The following STK3 variants were observed in gnomAD, a reference collection of about 807,000 sequenced individuals.
STK3 encodes serine/threonine-protein kinase 3.
Under a neutral mutation model 58.0 loss-of-function variants are expected in STK3, and 41 were observed. That is an observed-to-expected ratio of 0.71 (90% CI 0.55 to 0.92). The LOEUF (loss-of-function observed/expected upper bound fraction) is 0.92. STK3 is among the 40% of genes least tolerant of loss of function. The pLI, the probability that STK3 is intolerant of heterozygous loss-of-function variation, is 0.00. For synonymous variants in STK3, 170 were observed against 191.0 expected, an observed-to-expected ratio of 0.89 and a Z score of 0.91; for missense variants, 479 against 602.7, an observed-to-expected ratio of 0.79 and a Z score of 2.15.
chr8:98,500,305 G>A (rs1172497921), intron 10 of STK3, among the ~76,000 whole-genome samples: 1 of 152,202 alleles, frequency 6.6e-6, no homozygotes, highest in Non-Finnish European at 1.5e-5. Flanking sequence ...GCCGAGGCAG[G>A]TGGATCATCC....
At position 98,471,361 on chromosome 8, in the gene STK3, T is replaced by C. The variant is rs548656304; in HGVS notation, c.1318-15361A>G. Among the ~76,000 whole-genome samples the C allele has an allele frequency of 4.0e-5, 6 of 150,430 alleles. No individual in the cohort carries two copies. In the East Asian group the frequency reaches 5.8e-4, roughly 15 times the overall value. ...AGGCCTGGTTTTTTTCCTTTTCTTTTTTTTTTTTTTTTAATGCATAGACTT... is the reference window on the plus strand; with the variant it reads ...AGGCCTGGTTTTTTTCCTTTTCTTTCTTTTTTTTTTTTAATGCATAGACTT... On this transcript the variant is annotated intron_variant, in intron 10 of 10. Transcript: ENST00000419617.
intron 6 of STK3, chr8:98,601,728 G>C (rs1410042692): frequency 6.6e-6 from 1 of 152,210 alleles, no homozygotes; most frequent in Non-Finnish European, 1.5e-5. Context: ...CATAAAGAAT[G>C]AGTGAGTCAG....
At chr8:98,909,602 T>C (rs1326588450) in intron 1 of STK3, among the ~76,000 whole-genome samples, 1 of 152,224 alleles carries the variant, frequency 6.6e-6, no homozygotes, top group Non-Finnish European at 1.5e-5. Context: ...AATTGAATCA[T>C]ATATTATGTG....
chr8:98,522,050 C>T (rs1825404878), intron 10 of STK3, among the ~76,000 whole-genome samples: 1 of 152,116 alleles, frequency 6.6e-6, no homozygotes, highest in Non-Finnish European at 1.5e-5. Context: ...GTTAAATTAG[C>T]TTAATGTTTT....
chr8:98,715,163 T>C (rs186941134), intron 4 of STK3, among the ~76,000 whole-genome samples: 7 of 152,258 alleles, frequency 4.6e-5, no homozygotes, highest in Non-Finnish European at 7.4e-5. Flanking sequence ...ATGTTAGACC[T>C]AAAACCAGAA....
chr8:98,699,805 G>A (rs1012089434), intron 6 of STK3, among the ~76,000 whole-genome samples: 3 of 152,220 alleles, frequency 2.0e-5, no homozygotes. Context: ...GCTGCTCCGG[G>A]GTCAGGGGTC....
intron 6 of STK3, among the ~76,000 whole-genome samples, chr8:98,651,123 C>T (rs554677631): frequency 5.3e-5 from 8 of 152,280 alleles, no homozygotes; most frequent in African/African-American, 1.4e-4. Flanking sequence ...CTCACACGGC[C>T]GGGTACTCCT....
intron 4 of STK3, among the ~76,000 whole-genome samples, chr8:98,714,666 A>G (rs983718662): frequency 3.4e-4 from 51 of 152,222 alleles, no homozygotes; most frequent in Admixed American, 3.3e-4. Context: ...TTCCATGCTC[A>G]TGGGTAGGAA....
At chr8:98,893,590 GAAGGAAAGGA>G (rs370549669) in intron 1 of STK3, among the ~76,000 whole-genome samples, 3 of 149,750 alleles carry the variant, frequency 2.0e-5, no homozygotes, top group East Asian at 3.9e-4. Context: ...AGGAAAGAAA[GAAGGAAAGGA>G]AAGGAAAGGA....
chr8:98,439,725 T>C (rs1017609466), intron 1 of STK3, among the ~76,000 whole-genome samples: 5 of 152,192 alleles, frequency 3.3e-5, no homozygotes, highest in Non-Finnish European at 4.4e-5. Flanking sequence ...TAATGTCTCA[T>C]TGCTGATCCT....
intron 6 of STK3, chr8:98,596,427 C>G (rs556478681): frequency 5.4e-4 from 166 of 309,552 alleles, no homozygotes; most frequent in Non-Finnish European, 9.0e-4. Flanking sequence ...TTTTTTTTAT[C>G]AGTCTCTAAA....
At chr8:98,822,717 CA>C (rs1292251745) in intron 1 of STK3, among the ~76,000 whole-genome samples, 1 of 152,164 alleles carries the variant, frequency 6.6e-6, no homozygotes, top group Admixed American at 6.5e-5. Context: ...GGAGTACCCA[CA>C]GCCTATAACA....
At chr8:98,366,523 T>C (rs1220802767), downstream of STK3, among the ~76,000 whole-genome samples, 2 of 152,262 alleles carry the variant, frequency 1.3e-5, no homozygotes, top group Non-Finnish European at 2.9e-5. Flanking sequence ...TTATTTTTAA[T>C]TGTGGTGTGA....
At chr8:98,882,420 T>G (rs908142083), downstream of STK3, 3 of 55,442 alleles carry the variant, frequency 5.4e-5, no homozygotes, top group South Asian at 1.3e-3. Context: ...TCCTTTTTTT[T>G]TTGTTTTTTT....
At chr8:98,739,372 G>A (rs1259668173) in intron 4 of STK3, among the ~76,000 whole-genome samples, 9 of 151,970 alleles carry the variant, frequency 5.9e-5, no homozygotes, top group Non-Finnish European at 1.0e-4. Context: ...CACCTCACAC[G>A]GCCGGGTACT....
chr8:98,688,414 C>A (rs758686185), intron 6 of STK3, among the ~76,000 whole-genome samples: 1 of 152,108 alleles, frequency 6.6e-6, no homozygotes, highest in Non-Finnish European at 1.5e-5. Flanking sequence ...AATGCTTGAC[C>A]AACTGAACCT....
rs546607212 is a variant in STK3 at position 98,493,489 on chromosome 8, C to G, written c.1317+33253G>C. ...TCTCCTTAACACCTTATCCAATCTTCGGGTTTTAGCTCTCCTATGATTCGA... is the reference window on the plus strand; with the variant it reads ...TCTCCTTAACACCTTATCCAATCTTGGGGTTTTAGCTCTCCTATGATTCGA... On this transcript the variant is annotated intron_variant, in intron 10 of 10. Coordinates refer to ENST00000419617, the MANE Select transcript of STK3 (RefSeq NM_006281.4). Among the ~76,000 whole-genome samples the G allele has an allele frequency of 3.9e-5, 6 of 152,260 alleles. 1 individual carries two copies. The highest frequency in any genetic ancestry group is 1.4e-4 in the African/African-American group (6 of 41,552).
chr8:98,424,798 A>G (rs550135696), intron 3 of STK3, among the ~76,000 whole-genome samples: 35 of 152,204 alleles, frequency 2.3e-4, no homozygotes, highest in Admixed American at 3.9e-4. Context: ...ACTGAGCTAA[A>G]CCAGAATAGC....
chr8:98,697,235 G>C (rs553663315), intron 6 of STK3, among the ~76,000 whole-genome samples: 164 of 152,244 alleles, frequency 1.1e-3, no homozygotes, highest in Non-Finnish European at 2.0e-3. Context: ...GTGTCTATTT[G>C]ATTCTTCTCT....
Sources: allele counts gnomAD v4.1 joint callset (sites outside exome capture counted in the v4.1 genomes callset), GRCh38; gene constraint gnomAD v4.1.1; transcripts MANE v1.5; gene names NCBI Gene and HGNC (gene_info 2026-07-23, HGNC 2026-07-21).